TIAM1: variants seen among roughly 807,000 people sequenced by gnomAD.
The protein encoded by TIAM1 is TIAM Rac1 associated GEF 1.
In TIAM1, 65 loss-of-function variants were observed where a neutral mutation model predicts 163.5. That is an observed-to-expected ratio of 0.40 (90% CI 0.33 to 0.49). The LOEUF is 0.49. TIAM1 is among the 20% of genes least tolerant of loss of function. The pLI, the probability that TIAM1 is intolerant of heterozygous loss-of-function variation, is 0.77. For synonymous variants in TIAM1, 833 were observed against 810.1 expected (o/e 1.03, Z -0.48); for missense variants, 1,789 against 2,044.7 (o/e 0.87, Z 2.41).
In TIAM1 at chr21:31,383,528, CA is replaced by C. The variant is rs373662314; in HGVS notation, c.-368-44107del. Reference sequence around the variant, plus strand: ...TTTCACTCAACCTTACAAACAGGCTCAAAATGGGCTTTCAGAGATTCGCCAA... The same window carrying C: ...TTTCACTCAACCTTACAAACAGGCTCAAATGGGCTTTCAGAGATTCGCCAA... On this transcript the variant is annotated intron_variant, in intron 2 of 28. Transcript: ENST00000286827. 2.0e-4 allele frequency among the ~76,000 whole-genome samples: 30 copies of C among 152,274 alleles called. No individual in the cohort carries two copies. In the East Asian group the frequency reaches 4.1e-3, roughly 21 times the overall value.
intron 2 of TIAM1, among the ~76,000 whole-genome samples, chr21:31,329,577 AC>A (rs1318891630): frequency 6.6e-6 from 1 of 152,208 alleles, no homozygotes; most frequent in Non-Finnish European, 1.5e-5. Context: ...GAATCAGCTC[AC>A]CAGAAAATGC....
intron 5 of TIAM1, among the ~76,000 whole-genome samples, chr21:31,250,811 G>A (rs1051405820): frequency 1.3e-5 from 2 of 152,134 alleles, no homozygotes; most frequent in Non-Finnish European, 2.9e-5. Flanking sequence ...TATGCAGTAC[G>A]TGCAACAATA....
At chr21:31,338,184 A>G (rs1399835706) in intron 2 of TIAM1, among the ~76,000 whole-genome samples, 1 of 152,212 alleles carries the variant, frequency 6.6e-6, no homozygotes, top group Non-Finnish European at 1.5e-5. Flanking sequence ...GGCAGAGCGG[A>G]GCAGCAGGTA....
chr21:31,539,213 G>C (rs1602521043), intron 1 of TIAM1, among the ~76,000 whole-genome samples: 2 of 149,406 alleles, frequency 1.3e-5, no homozygotes, highest in Admixed American at 6.6e-5. Context: ...CTTTGACAGA[G>C]TATTCTGAGG....
intron 1 of TIAM1, among the ~76,000 whole-genome samples, chr21:31,471,330 C>A (rs2045733628): frequency 6.6e-6 from 1 of 152,132 alleles, no homozygotes; most frequent in Non-Finnish European, 1.5e-5. Context: ...AGGCTCGGTT[C>A]CCCCCTTTAC....
intron 12 of TIAM1, among the ~76,000 whole-genome samples, chr21:31,199,172 G>A (rs957321102): frequency 2.0e-5 from 3 of 152,112 alleles, no homozygotes; most frequent in East Asian, 1.9e-4. Context: ...ACAAAATCAG[G>A]ATCATTTCTT....
chr21:31,302,977 A>G (rs560746480), intron 2 of TIAM1, among the ~76,000 whole-genome samples: 16 of 152,302 alleles, frequency 1.1e-4, no homozygotes, highest in Non-Finnish European at 2.4e-4. Context: ...ATCAGCTGCA[A>G]CCATGCTGAA....
intron 2 of TIAM1, among the ~76,000 whole-genome samples, chr21:31,337,621 T>C (rs891299706): frequency 6.6e-6 from 1 of 151,666 alleles, no homozygotes; most frequent in Non-Finnish European, 1.5e-5. Flanking sequence ...AACCTCCACC[T>C]CCTGGGTTCA....
At chr21:31,345,378 CAG>C (rs1004050404), upstream of TIAM1, among the ~76,000 whole-genome samples, 9 of 151,752 alleles carry the variant, frequency 5.9e-5, no homozygotes, top group Non-Finnish European at 1.3e-4. Flanking sequence ...AGCCTGGAAA[CAG>C]TACTCTAAAA....
intron 2 of TIAM1, among the ~76,000 whole-genome samples, chr21:31,424,851 G>A (rs895158263): frequency 1.3e-5 from 2 of 151,892 alleles, no homozygotes; most frequent in East Asian, 3.9e-4. Context: ...AGGAGTTCGA[G>A]ACCAGCCTGA....
At chr21:31,234,871 G>A (rs930962018) in intron 6 of TIAM1, among the ~76,000 whole-genome samples, 3 of 152,094 alleles carry the variant, frequency 2.0e-5, no homozygotes. Context: ...TGATGCTAAA[G>A]AGAAAAAAAG....
At chr21:31,385,017 T>G (rs1416176754) in intron 2 of TIAM1, among the ~76,000 whole-genome samples, 1 of 152,154 alleles carries the variant, frequency 6.6e-6, no homozygotes, top group African/African-American at 2.4e-5. Flanking sequence ...TGGGGGCTAG[T>G]GGGAGGTGTT....
At chr21:31,316,337 A>G (rs1005029823) in intron 2 of TIAM1, among the ~76,000 whole-genome samples, 1 of 152,118 alleles carries the variant, frequency 6.6e-6, no homozygotes, top group Non-Finnish European at 1.5e-5. Context: ...GTTCCCAATT[A>G]ACAGCCAAAA....
rs902746420 is a variant in TIAM1 at position 31,339,131 on chromosome 21, A to C, written c.-189+112T>G. 7 of 389,516 alleles carry C rather than the reference A, an allele frequency of 1.8e-5. No homozygotes were observed. The Admixed American group carries it at 3.1e-4, about 17-fold the overall frequency. 24.1% of individuals were successfully genotyped at this position (389,516 alleles called of 1,614,324 possible). A position where few individuals can be genotyped will look rare whatever the true frequency, so the allele number is the denominator to read the frequency against. ...TTAACCACCAAAACAATCGTCACAAACAATGAACTTTCTATTGTCCCAAAA... is the reference window on the plus strand; with the variant it reads ...TTAACCACCAAAACAATCGTCACAACCAATGAACTTTCTATTGTCCCAAAA... On this transcript the variant is annotated intron_variant, in intron 2 of 27. Coordinates refer to ENST00000541036, the MANE Select transcript of TIAM1 (RefSeq NM_001353694.2).
chr21:31,247,088 G>C (rs1180974202), intron 5 of TIAM1, among the ~76,000 whole-genome samples: 1 of 152,110 alleles, frequency 6.6e-6, no homozygotes, highest in Non-Finnish European at 1.5e-5. Flanking sequence ...GGGAGGACAA[G>C]GTAGAAGGAT....
At chr21:31,157,857 A>T (rs1302388499) in intron 16 of TIAM1, among the ~76,000 whole-genome samples, 1 of 152,226 alleles carries the variant, frequency 6.6e-6, no homozygotes, top group Non-Finnish European at 1.5e-5. Flanking sequence ...GAGGCAGAGC[A>T]CACCTTTTAT....
intron 2 of TIAM1, among the ~76,000 whole-genome samples, chr21:31,310,116 T>C (rs1268409005): frequency 2.6e-5 from 4 of 152,192 alleles, no homozygotes; most frequent in Non-Finnish European, 5.9e-5. Context: ...AAATGTACAT[T>C]TCCAGGCCCA....
chr21:31,226,084 C>G, intron 6 of TIAM1, 134 bp from the exon 7 acceptor site: 3 of 689,530 alleles, frequency 4.4e-6, no homozygotes, highest in Admixed American at 5.8e-5. Flanking sequence ...TAAGAATAAC[C>G]TGACCTCCTC....
intron 22 of TIAM1, among the ~76,000 whole-genome samples, chr21:31,136,949 G>A (rs913570702): frequency 5.3e-5 from 8 of 152,352 alleles, no homozygotes; most frequent in Admixed American, 2.0e-4. Context: ...CACAGGCAGC[G>A]TGAATGCTGG....
Sources: gnomAD v4.1 joint callset for allele counts (sites outside exome capture counted in the v4.1 genomes callset) on GRCh38, gnomAD v4.1.1 for gene constraint, MANE v1.5 for transcripts, NCBI Gene and HGNC (gene_info 2026-07-23, HGNC 2026-07-21) for gene names.